The following SEMA5A variants were observed in gnomAD, a reference collection of about 807,000 sequenced individuals.
SEMA5A encodes semaphorin-5A.
SEMA5A carries 55 observed loss-of-function variants against 135.5 expected under a neutral mutation model. The ratio of observed to expected loss-of-function variants is 0.41; its 90% CI spans 0.33 to 0.51. SEMA5A has a LOEUF of 0.51. SEMA5A is among the 20% of genes least tolerant of loss of function. The probability of loss-of-function intolerance (pLI) is 0.37; values close to 1 mark genes in which losing one functional copy is unlikely to be tolerated. For missense variants in SEMA5A, 1,290 were observed against 1,419.9 expected (o/e 0.91, Z 1.47); for synonymous variants, 580 against 546.5 (o/e 1.06, Z -0.85).
intron 12 of SEMA5A, among the ~76,000 whole-genome samples, chr5:9,138,764 C>A (rs1207183349): frequency 6.6e-6 from 1 of 152,182 alleles, no homozygotes; most frequent in African/African-American, 2.4e-5. Context: ...CCTTCCTACA[C>A]TTTGCCCCTG....
chr5:9,368,113 T>G (rs74915408), intron 3 of SEMA5A, among the ~76,000 whole-genome samples: 334 of 152,312 alleles, frequency 2.2e-3, no homozygotes, highest in African/African-American at 7.6e-3. Context: ...CAGTCTATGG[T>G]GGGTTTTCAT....
At chr5:9,138,433 T>C (rs1414622486) in intron 12 of SEMA5A, among the ~76,000 whole-genome samples, 1 of 152,224 alleles carries the variant, frequency 6.6e-6, no homozygotes, top group Non-Finnish European at 1.5e-5. Context: ...ACAAATGTGA[T>C]TGTGCACGCG....
At chr5:9,066,700 A>C in intron 16 of SEMA5A, 54 bp from the exon 17 acceptor site, 1 of 1,482,888 alleles carries the variant, frequency 6.7e-7, no homozygotes, top group Non-Finnish European at 9.4e-7. Flanking sequence ...GAGCAACCTC[A>C]CGAAGGGCTC....
At chr5:9,452,946 G>GT (rs893486274) in intron 1 of SEMA5A, among the ~76,000 whole-genome samples, 2 of 152,138 alleles carry the variant, frequency 1.3e-5, no homozygotes, top group African/African-American at 4.8e-5. Context: ...GGAAAAGCCT[G>GT]TCAAATGACT....
intron 5 of SEMA5A, among the ~76,000 whole-genome samples, chr5:9,299,837 C>A (rs910104688): frequency 6.6e-6 from 1 of 152,138 alleles, no homozygotes; most frequent in African/African-American, 2.4e-5. Flanking sequence ...CGTCTCCTTC[C>A]CTGATGGGGC....
chr5:9,369,671 T>C (rs1561193663), intron 3 of SEMA5A, among the ~76,000 whole-genome samples: 2 of 152,184 alleles, frequency 1.3e-5, no homozygotes, highest in South Asian at 4.1e-4. Context: ...GTGGGCCTAT[T>C]TCTGATCTCT....
chr5:9,244,282 G>A (rs867185522), intron 5 of SEMA5A, among the ~76,000 whole-genome samples: 2 of 152,170 alleles, frequency 1.3e-5, no homozygotes, highest in African/African-American at 4.8e-5. Flanking sequence ...CCTGGATTAA[G>A]AGCCAAAGTC....
chr5:9,052,352 A>T (rs1317027656), intron 19 of SEMA5A, among the ~76,000 whole-genome samples: 1 of 152,218 alleles, frequency 6.6e-6, no homozygotes, highest in East Asian at 1.9e-4. Context: ...TGTGCAGACC[A>T]TCAGCAGCAG....
chr5:9,252,706 C>T (rs778671439), intron 5 of SEMA5A, among the ~76,000 whole-genome samples: 2 of 152,170 alleles, frequency 1.3e-5, no homozygotes, highest in Non-Finnish European at 2.9e-5. Context: ...CAAGAAAGTG[C>T]ACTTGAAGTT....
chr5:9,226,427 AT>A lies in SEMA5A; in HGVS notation c.432+441del, dbSNP rs5865816. On this transcript the variant is annotated intron_variant, in intron 7 of 22. Transcript: ENST00000382496. ...TAGGGTGCAATTTCTTAGTTTGCTTATTTTTTTTTACATACTTCTTATCCAA... is the reference window on the plus strand; with the variant it reads ...TAGGGTGCAATTTCTTAGTTTGCTTATTTTTTTTACATACTTCTTATCCAA... Among the ~76,000 whole-genome samples, 14 of 151,264 alleles carry A rather than the reference AT, an allele frequency of 9.3e-5. No homozygotes were observed. In the South Asian group the frequency reaches 1.5e-3, roughly 16 times the overall value.
intron 1 of SEMA5A, among the ~76,000 whole-genome samples, chr5:9,528,261 G>A (rs570856196): frequency 6.6e-6 from 1 of 152,192 alleles, no homozygotes; most frequent in Admixed American, 6.5e-5. Context: ...TTTTAGCAAC[G>A]AACCCTCAAG....
chr5:9,090,049 T>A (rs1414914932), intron 16 of SEMA5A, among the ~76,000 whole-genome samples: 1 of 152,220 alleles, frequency 6.6e-6, no homozygotes, highest in East Asian at 1.9e-4. Flanking sequence ...AATTTATATT[T>A]AAATCCTGAT....
intron 2 of SEMA5A, among the ~76,000 whole-genome samples, chr5:9,419,653 G>C (rs557539900): frequency 2.0e-5 from 3 of 152,270 alleles, no homozygotes; most frequent in Non-Finnish European, 4.4e-5. Flanking sequence ...AGATAAAATA[G>C]GGGGCTTTAT....
At chr5:9,192,201 A>G (rs1037661148) in intron 10 of SEMA5A, among the ~76,000 whole-genome samples, 2 of 152,274 alleles carry the variant, frequency 1.3e-5, no homozygotes, top group Non-Finnish European at 2.9e-5. Flanking sequence ...CTCAAGCCAC[A>G]TGGAATCAGG....
At chr5:9,096,416 T>C (rs1295339583) in intron 16 of SEMA5A, among the ~76,000 whole-genome samples, 1 of 152,254 alleles carries the variant, frequency 6.6e-6, no homozygotes, top group Non-Finnish European at 1.5e-5. Context: ...TTTTGTTTTT[T>C]ATATTTCACA....
intron 13 of SEMA5A, among the ~76,000 whole-genome samples, chr5:9,131,744 C>G (rs1741446414): frequency 6.7e-6 from 1 of 149,694 alleles, no homozygotes; most frequent in South Asian, 2.1e-4. Flanking sequence ...CCCCCATGAC[C>G]TAAACACCTC....
chr5:9,215,060 A>G (rs1187192552), intron 8 of SEMA5A, among the ~76,000 whole-genome samples: 1 of 152,180 alleles, frequency 6.6e-6, no homozygotes, highest in African/African-American at 2.4e-5. Context: ...AGTACTGTAG[A>G]GAGAGGAAGG....
At chr5:9,392,029 C>T (rs184867049) in intron 2 of SEMA5A, among the ~76,000 whole-genome samples, 162 of 152,062 alleles carry the variant, frequency 1.1e-3, no homozygotes, top group Non-Finnish European at 3.1e-4. Context: ...GTCTTGAAAC[C>T]CACCAAGCTC....
intron 2 of SEMA5A, among the ~76,000 whole-genome samples, chr5:9,390,697 A>G (rs1478215830): frequency 6.6e-6 from 1 of 152,130 alleles, no homozygotes; most frequent in East Asian, 1.9e-4. Context: ...AAAAAAAGTC[A>G]GACCTCTAGA....
Sources: gnomAD v4.1 joint callset for allele counts (sites outside exome capture counted in the v4.1 genomes callset) on GRCh38, gnomAD v4.1.1 for gene constraint, MANE v1.5 for transcripts, NCBI Gene and HGNC (gene_info 2026-07-23, HGNC 2026-07-21) for gene names.